MAN1A2: variants seen among roughly 807,000 people sequenced by gnomAD.
MAN1A2 encodes the protein mannosidase alpha class 1A member 2, also known as mannosyl-oligosaccharide 1,2-alpha-mannosidase IB.
Under a neutral mutation model 75.7 loss-of-function variants are expected in MAN1A2, and 26 were observed. That is an observed-to-expected ratio of 0.34 (90% CI 0.25 to 0.48). The LOEUF is 0.48. MAN1A2 is among the 20% of genes least tolerant of loss of function. MAN1A2 has a pLI of 0.99. For missense variants in MAN1A2, 562 were observed against 775.5 expected (o/e 0.72, Z 3.27); for synonymous variants, 247 against 264.6 (o/e 0.93, Z 0.65).
intron 3 of MAN1A2, among the ~76,000 whole-genome samples, chr1:117,412,177 C>T (rs1450603495): frequency 6.6e-6 from 1 of 151,694 alleles, no homozygotes; most frequent in Non-Finnish European, 1.5e-5. Context: ...GCGGGTAGCT[C>T]TTTGAAAACT....
intron 1 of MAN1A2, among the ~76,000 whole-genome samples, chr1:117,372,633 G>A (rs1652999884): frequency 6.6e-6 from 1 of 151,986 alleles, no homozygotes; most frequent in African/African-American, 2.4e-5. Flanking sequence ...TAGTATCTAT[G>A]ATTTTGCAGT....
chr1:117,382,855 G>C (rs574982589), intron 1 of MAN1A2, among the ~76,000 whole-genome samples: 4 of 152,058 alleles, frequency 2.6e-5, no homozygotes, highest in South Asian at 4.2e-4. Flanking sequence ...TCTTTTATTA[G>C]CACAACTAAT....
At chr1:117,401,559 GT>G (rs980100572) in intron 1 of MAN1A2, among the ~76,000 whole-genome samples, 15 of 152,228 alleles carry the variant, frequency 9.9e-5, no homozygotes, top group African/African-American at 3.6e-4. Flanking sequence ...TGCAGTAGTG[GT>G]TTCCAAATCT....
chr1:117,516,521 A>G (rs748973930), intron 12 of MAN1A2, among the ~76,000 whole-genome samples: 61 of 152,276 alleles, frequency 4.0e-4, no homozygotes, highest in Non-Finnish European at 7.2e-4. Context: ...TGTTTGACAC[A>G]GTCTCTCACA....
intron 8 of MAN1A2, among the ~76,000 whole-genome samples, chr1:117,470,820 C>G (rs951646879): frequency 2.6e-5 from 4 of 151,918 alleles, no homozygotes; most frequent in African/African-American, 7.2e-5. Context: ...AAATAGTCTG[C>G]AAAACAAACA....
intron 3 of MAN1A2, among the ~76,000 whole-genome samples, chr1:117,411,851 C>T (rs1338091696): frequency 6.6e-6 from 1 of 151,722 alleles, no homozygotes; most frequent in Non-Finnish European, 1.5e-5. Context: ...GCTAGAGCAA[C>T]TCTGTTATAC....
intron 1 of MAN1A2, among the ~76,000 whole-genome samples, chr1:117,374,521 AAAT>A (rs1308223310): frequency 2.0e-5 from 3 of 152,310 alleles, no homozygotes; most frequent in Non-Finnish European, 4.4e-5. Flanking sequence ...ATTAAAAAAA[AAAT>A]CTCCTTCAAA....
intron 1 of MAN1A2, among the ~76,000 whole-genome samples, chr1:117,373,077 A>G (rs1404457945): frequency 6.6e-6 from 1 of 152,134 alleles, no homozygotes; most frequent in East Asian, 1.9e-4. Context: ...TGACTATTGC[A>G]CTTAAAATGT....
intron 8 of MAN1A2, among the ~76,000 whole-genome samples, chr1:117,477,741 C>G (rs921813770): frequency 6.6e-6 from 1 of 152,076 alleles, no homozygotes; most frequent in Admixed American, 6.6e-5. Context: ...AGGATGCCCT[C>G]TCTCACTACT....
intron 9 of MAN1A2, among the ~76,000 whole-genome samples, chr1:117,496,105 A>G (rs1393222274): frequency 7.9e-6 from 1 of 126,446 alleles, no homozygotes; most frequent in African/African-American, 3.1e-5. Flanking sequence ...CTTGTCAGAG[A>G]ACAACTGACA....
At chr1:117,496,736 A>G (rs1252073694) in intron 9 of MAN1A2, 27 bp from the exon 10 acceptor site, 1 of 1,541,858 alleles carries the variant, frequency 6.5e-7, no homozygotes, top group East Asian at 2.3e-5. Context: ...TGCATCTAAA[A>G]TTTTGAATAT....
intron 3 of MAN1A2, among the ~76,000 whole-genome samples, chr1:117,412,796 A>G (rs542536228): frequency 6.6e-6 from 1 of 151,942 alleles, no homozygotes; most frequent in South Asian, 2.1e-4. Context: ...TCAATTTTAC[A>G]CTTTTCTTCC....
rs75236997 is a variant in MAN1A2, at chr1:117,390,713, T to C, written c.303-11473T>C. On this transcript the variant is annotated intron_variant, in intron 1 of 12. Transcript: ENST00000356554. ...AAGTTAGAAGCTGAGGTTCTTGATA[T>C]AAGATCTTTTTTCCCCCTAATATAG... 4.4e-3 allele frequency among the ~76,000 whole-genome samples: 665 copies of C among 152,074 alleles called. 5 individuals carry two copies. The highest frequency in any genetic ancestry group is 0.015 in the African/African-American group (634 of 41,558).
intron 8 of MAN1A2, among the ~76,000 whole-genome samples, chr1:117,477,491 A>G (rs565869053): frequency 6.6e-6 from 1 of 152,158 alleles, no homozygotes; most frequent in South Asian, 2.1e-4. Flanking sequence ...GCATACACAA[A>G]TCAATAAACA....
rs780051703 is a variant in MAN1A2 at position 117,525,102 on chromosome 1, G to T, written c.*2145G>T. 3.8e-6 allele frequency: 2 copies of T among 528,760 alleles called. No individual in the cohort carries two copies. The highest frequency in any genetic ancestry group is 7.7e-6 in the Non-Finnish European group (2 of 258,116). The allele number at this position is 528,760 out of a possible 1,614,324, so 32.8% of individuals were successfully genotyped here. On this transcript the variant is annotated 3_prime_UTR_variant, in exon 13 of 13. Transcript: ENST00000356554. ...TTGGTTCTGCAGGAACTTCTCAAGGGATGAGGAGACAGAACCCCTACTTCC... is the reference window on the plus strand; with the variant it reads ...TTGGTTCTGCAGGAACTTCTCAAGGTATGAGGAGACAGAACCCCTACTTCC...
chr1:117,419,961 A>G (rs1648133415), intron 4 of MAN1A2, among the ~76,000 whole-genome samples: 1 of 152,020 alleles, frequency 6.6e-6, no homozygotes, highest in African/African-American at 2.4e-5. Context: ...TTCTACTTTA[A>G]AAATTTTTTT....
intron 1 of MAN1A2, among the ~76,000 whole-genome samples, chr1:117,384,867 TTGG>T (rs1461830895): frequency 6.6e-6 from 1 of 152,186 alleles, no homozygotes; most frequent in Non-Finnish European, 1.5e-5. Flanking sequence ...GTGCTTCCTG[TTGG>T]TGGTACCTAG....
At chr1:117,452,196 A>G (rs1649441846) in intron 6 of MAN1A2, among the ~76,000 whole-genome samples, 1 of 151,768 alleles carries the variant, frequency 6.6e-6, no homozygotes, top group Non-Finnish European at 1.5e-5. Flanking sequence ...AATCCCAGCT[A>G]CTTGGGAGGT....
At chr1:117,519,431 T>G (rs1434870568) in intron 12 of MAN1A2, among the ~76,000 whole-genome samples, 4 of 151,912 alleles carry the variant, frequency 2.6e-5, no homozygotes, top group Non-Finnish European at 5.9e-5. Context: ...GATAGACCAT[T>G]AGCAAGATTA....
Sources: gnomAD v4.1 joint callset for allele counts (sites outside exome capture counted in the v4.1 genomes callset) on GRCh38, gnomAD v4.1.1 for gene constraint, MANE v1.5 for transcripts, NCBI Gene and HGNC (gene_info 2026-07-23, HGNC 2026-07-21) for gene names.